NPAS3: variants seen among roughly 807,000 people sequenced by gnomAD.
NPAS3 encodes neuronal PAS domain-containing protein 3.
In NPAS3, 14 loss-of-function variants were observed where a neutral mutation model predicts 73.1. The observed-to-expected ratio is 0.19, with a 90% CI of 0.13 to 0.30. The LOEUF is 0.30. NPAS3 is among the 10% of genes least tolerant of loss of function. The pLI, the probability that NPAS3 is intolerant of heterozygous loss-of-function variation, is 1.00. For synonymous variants in NPAS3, 620 were observed against 541.5 expected (o/e 1.14, Z -2.01); for missense variants, 1,096 against 1,250.0 (o/e 0.88, Z 1.86).
chr14:33,129,712 G>A (rs1178603258), intron 2 of NPAS3, among the ~76,000 whole-genome samples: 1 of 152,060 alleles, frequency 6.6e-6, no homozygotes, highest in Non-Finnish European at 1.5e-5. Context: ...ATTCATAATA[G>A]GAGATGTAGA....
intron 2 of NPAS3, among the ~76,000 whole-genome samples, chr14:33,183,324 G>A (rs1405724311): frequency 6.6e-6 from 1 of 151,970 alleles, no homozygotes; most frequent in African/African-American, 2.4e-5. Flanking sequence ...TACTTGGGGG[G>A]CTGAGGCAGG....
intron 3 of NPAS3, among the ~76,000 whole-genome samples, chr14:33,289,008 G>A (rs2041987770): frequency 3.3e-5 from 5 of 152,158 alleles, no homozygotes; most frequent in Admixed American, 3.3e-4. Context: ...AAATTAGAAT[G>A]CCATTCATAA....
intron 3 of NPAS3, among the ~76,000 whole-genome samples, chr14:33,362,851 A>G (rs1444208927): frequency 6.6e-6 from 1 of 152,116 alleles, no homozygotes; most frequent in East Asian, 1.9e-4. Context: ...TTGGCCTAAT[A>G]AAACAATCCA....
At chr14:33,432,071 G>T (rs2048807333) in intron 4 of NPAS3, among the ~76,000 whole-genome samples, 1 of 152,082 alleles carries the variant, frequency 6.6e-6, no homozygotes, top group Non-Finnish European at 1.5e-5. Flanking sequence ...AGTATATAAA[G>T]AGAAAAGTAC....
intron 3 of NPAS3, among the ~76,000 whole-genome samples, chr14:33,315,247 T>C (rs2043161667): frequency 6.6e-6 from 1 of 152,116 alleles, no homozygotes; most frequent in Admixed American, 6.6e-5. Context: ...ATATTAAGTA[T>C]TTTTAAGACA....
At chr14:32,984,231 C>T (rs2038011831) in intron 1 of NPAS3, among the ~76,000 whole-genome samples, 3 of 152,154 alleles carry the variant, frequency 2.0e-5, no homozygotes, top group Admixed American at 1.3e-4. Context: ...TTAATCCCTG[C>T]TGTATCTTAG....
At chr14:33,680,497 G>T (rs940524394) in intron 6 of NPAS3, 5 of 669,804 alleles carry the variant, frequency 7.5e-6, no homozygotes, top group South Asian at 1.7e-5. Flanking sequence ...GTTTGGTGGG[G>T]TTTTTTGTAT....
chr14:33,075,452 AAAGT>A (rs2041624537), intron 2 of NPAS3, among the ~76,000 whole-genome samples: 1 of 152,224 alleles, frequency 6.6e-6, no homozygotes. Flanking sequence ...GTTTGTTTAT[AAAGT>A]AAGTCCTACA....
At chr14:33,053,638 A>C (rs2040786205) in intron 1 of NPAS3, among the ~76,000 whole-genome samples, 1 of 152,232 alleles carries the variant, frequency 6.6e-6, no homozygotes, top group African/African-American at 2.4e-5. Flanking sequence ...GTAAAACACA[A>C]AGTGTTAAGT....
chr14:33,274,704 C>T (rs2041249127), intron 3 of NPAS3, among the ~76,000 whole-genome samples: 1 of 152,132 alleles, frequency 6.6e-6, no homozygotes. Flanking sequence ...AACACCCATA[C>T]TCTGAGGGAA....
chr14:33,627,494 C>A (rs2058255239), intron 5 of NPAS3, among the ~76,000 whole-genome samples: 2 of 152,154 alleles, frequency 1.3e-5, no homozygotes, highest in African/African-American at 4.8e-5. Flanking sequence ...ACCCCAACTG[C>A]AGATCCTCAC....
intron 4 of NPAS3, among the ~76,000 whole-genome samples, chr14:33,497,470 A>G (rs1276653517): frequency 1.3e-5 from 2 of 152,182 alleles, no homozygotes; most frequent in African/African-American, 4.8e-5. Flanking sequence ...TACAGTAACC[A>G]AAACGGCATG....
intron 2 of NPAS3, among the ~76,000 whole-genome samples, chr14:33,141,509 C>T (rs948062193): frequency 1.3e-5 from 2 of 152,124 alleles, no homozygotes; most frequent in African/African-American, 4.8e-5. Context: ...ATCACAGTAG[C>T]TACTGTTTAG....
At chr14:33,749,657 G>A (rs536040305) in intron 7 of NPAS3, among the ~76,000 whole-genome samples, 17 of 152,224 alleles carry the variant, frequency 1.1e-4, no homozygotes, top group South Asian at 2.1e-4. Flanking sequence ...TTGGCACAGC[G>A]GAGGACTGTT....
chr14:33,731,423 GAA>G (rs11322471), intron 6 of NPAS3, among the ~76,000 whole-genome samples: 43,788 of 121,528 alleles, frequency 0.36, 7,052 homozygotes, highest in East Asian at 0.43. Context: ...TGTCTCATTT[GAA>G]AAAAAAAAAA....
intron 5 of NPAS3, among the ~76,000 whole-genome samples, chr14:33,585,163 C>T (rs572560527): frequency 2.7e-4 from 41 of 151,792 alleles, no homozygotes; most frequent in Non-Finnish European, 4.7e-4. Context: ...AGGAGAGACC[C>T]GAATAGAGCC....
At chr14:33,362,519 T>G (rs887351720) in intron 3 of NPAS3, among the ~76,000 whole-genome samples, 3 of 152,146 alleles carry the variant, frequency 2.0e-5, no homozygotes, top group Admixed American at 2.0e-4. Context: ...CATTCCATAT[T>G]CCATTCTTTC....
At chr14:33,281,992 C>T (rs187665873) in intron 3 of NPAS3, among the ~76,000 whole-genome samples, 155 of 152,118 alleles carry the variant, frequency 1.0e-3, no homozygotes, top group African/African-American at 3.5e-3. Context: ...CTTTTCTGTT[C>T]CATTGAAGGA....
intron 5 of NPAS3, among the ~76,000 whole-genome samples, chr14:33,640,550 A>T (rs1320254599): frequency 6.6e-6 from 1 of 152,214 alleles, no homozygotes; most frequent in East Asian, 1.9e-4. Flanking sequence ...AAAATATTTA[A>T]ACTCCATTTG....
Sources: allele counts gnomAD v4.1 joint callset (sites outside exome capture counted in the v4.1 genomes callset), GRCh38; gene constraint gnomAD v4.1.1; transcripts MANE v1.5; gene names NCBI Gene and HGNC (gene_info 2026-07-23, HGNC 2026-07-21).